Variants in GALNT17 observed in about 807,000 individuals in gnomAD.
GALNT17 encodes UDP-GalNAc:polypeptide N-acetylgalactosaminyltransferase-like 3.
GALNT17 carries 29 observed loss-of-function variants against 63.7 expected under a neutral mutation model. The observed-to-expected ratio is 0.46, with a 90% CI of 0.34 to 0.62. The LOEUF (loss-of-function observed/expected upper bound fraction) is 0.62. Ranked by LOEUF, GALNT17 falls within the 20% of genes least tolerant of loss-of-function variation. The pLI is 0.01. For synonymous variants in GALNT17, 305 were observed against 318.3 expected (o/e 0.96, Z 0.45); for missense variants, 603 against 799.6 (o/e 0.75, Z 2.97).
chr7:71,643,104 G>C (rs1328638830), intron 6 of GALNT17, among the ~76,000 whole-genome samples: 1 of 152,120 alleles, frequency 6.6e-6, no homozygotes, highest in Non-Finnish European at 1.5e-5. Context: ...AAGACCTGGG[G>C]TGGTCTCTGG....
chr7:71,429,295 T>C (rs1786817680), intron 5 of GALNT17, among the ~76,000 whole-genome samples: 1 of 152,122 alleles, frequency 6.6e-6, no homozygotes, highest in South Asian at 2.1e-4. Flanking sequence ...GCTAAGGACA[T>C]GAACAATGGT....
At chr7:71,285,237 A>G (rs949880349) in intron 1 of GALNT17, among the ~76,000 whole-genome samples, 4 of 152,254 alleles carry the variant, frequency 2.6e-5, no homozygotes, top group African/African-American at 9.6e-5. Flanking sequence ...CTACCTCTTT[A>G]TTATGACAGC....
chr7:71,649,614 C>T (rs1584112205), intron 6 of GALNT17, among the ~76,000 whole-genome samples: 1 of 72,714 alleles, frequency 1.4e-5, no homozygotes, highest in Non-Finnish European at 2.9e-5. Context: ...CAGGATTAAA[C>T]ACACACACAC....
intron 1 of GALNT17, among the ~76,000 whole-genome samples, chr7:71,219,364 A>G (rs1462238641): frequency 1.3e-5 from 2 of 152,146 alleles, no homozygotes; most frequent in South Asian, 4.2e-4. Context: ...TTACTTTCTC[A>G]GAATCTTTGG....
At chr7:71,381,014 G>A (rs775229301) in intron 2 of GALNT17, among the ~76,000 whole-genome samples, 8 of 151,568 alleles carry the variant, frequency 5.3e-5, no homozygotes, top group Non-Finnish European at 8.8e-5. Flanking sequence ...AGGCTGGAGT[G>A]CAGAGGCGCG....
chr7:71,358,624 G>A (rs1231883898), intron 2 of GALNT17, among the ~76,000 whole-genome samples: 1 of 152,132 alleles, frequency 6.6e-6, no homozygotes, highest in African/African-American at 2.4e-5. Flanking sequence ...AAGCTCACTG[G>A]TAGTTTGTGG....
intron 3 of GALNT17, among the ~76,000 whole-genome samples, chr7:71,389,865 A>C (rs1238188003): frequency 6.6e-6 from 1 of 152,194 alleles, no homozygotes; most frequent in Non-Finnish European, 1.5e-5. Context: ...CGCTACTAGG[A>C]ATGATGGCTC....
chr7:71,372,666 G>A (rs561425349), intron 2 of GALNT17, among the ~76,000 whole-genome samples: 1 of 152,310 alleles, frequency 6.6e-6, no homozygotes, highest in Non-Finnish European at 1.5e-5. Context: ...TTTTGCCCAA[G>A]CTGATCTCAA....
At chr7:71,475,034 C>G (rs1345654645) in intron 5 of GALNT17, among the ~76,000 whole-genome samples, 3 of 152,008 alleles carry the variant, frequency 2.0e-5, no homozygotes, top group Non-Finnish European at 4.4e-5. Flanking sequence ...ATGGCCTCTC[C>G]CCTGGAGCAT....
intron 2 of GALNT17, among the ~76,000 whole-genome samples, chr7:71,379,550 C>A (rs10262784): frequency 0.088 from 13,303 of 151,896 alleles, 1,818 homozygotes; most frequent in African/African-American, 0.29. Flanking sequence ...AAGGCGGTAG[C>A]AATGGAGGAG....
chr7:71,241,035 G>A (rs910363718), intron 1 of GALNT17, among the ~76,000 whole-genome samples: 2 of 152,164 alleles, frequency 1.3e-5, no homozygotes, highest in African/African-American at 4.8e-5. Context: ...AATGGAAATG[G>A]CAGCATTTTG....
intron 3 of GALNT17, among the ~76,000 whole-genome samples, chr7:71,413,216 T>A (rs989667054): frequency 2.0e-5 from 3 of 152,192 alleles, no homozygotes; most frequent in Non-Finnish European, 4.4e-5. Context: ...GCTGCATAAC[T>A]TAAACAACTT....
chr7:71,459,252 G>A (rs963868634), intron 5 of GALNT17, among the ~76,000 whole-genome samples: 1 of 152,156 alleles, frequency 6.6e-6, no homozygotes, highest in African/African-American at 2.4e-5. Flanking sequence ...GACAGAAAAA[G>A]GAAAGCAGAA....
chr7:71,383,378 A>G (rs994485143), intron 2 of GALNT17, among the ~76,000 whole-genome samples: 3 of 152,198 alleles, frequency 2.0e-5, no homozygotes, highest in Non-Finnish European at 4.4e-5. Context: ...TAGATTACTT[A>G]CAATATCTAA....
chr7:71,184,939 ACTTCCTTCCTTCCTTC>A lies in GALNT17; in HGVS notation c.238+51944_238+51959del, dbSNP rs1164312541. Among the ~76,000 whole-genome samples the A allele has an allele frequency of 5.4e-3, 348 of 64,172 alleles. 3 individuals are homozygous for A. Among genetic ancestry groups the A allele is most frequent in the South Asian group, 0.021 (23 of 1,104 alleles). The allele number at this position is 64,172 out of a possible 152,430, so 42.1% of individuals were successfully genotyped here. On this transcript the variant is annotated intron_variant, in intron 1 of 10. Transcript: ENST00000333538. ...CCCACCCTCCCTCCCTCCCTTCCTC[ACTTCCTTCCTTCCTTC>A]CTTCCTTCCTTCCTTCCTTCCTTCC...
intron 1 of GALNT17, chr7:71,283,943 T>G (rs1445390105): frequency 6.6e-6 from 1 of 152,086 alleles, no homozygotes; most frequent in African/African-American, 2.4e-5. Flanking sequence ...AATAGACCAA[T>G]CAACACTCTG....
intron 1 of GALNT17, among the ~76,000 whole-genome samples, chr7:71,316,957 A>AT (rs1203159453): frequency 6.6e-6 from 1 of 152,050 alleles, no homozygotes; most frequent in African/African-American, 2.4e-5. Flanking sequence ...CATTGAGGTT[A>AT]TTTTTTTCAG....
Position 71,678,227 on chromosome 7 carries a change from C to T in GALNT17, c.1500+921C>T, listed in dbSNP as rs1044450370. Among the ~76,000 whole-genome samples the T allele has an allele frequency of 3.9e-4, 59 of 151,772 alleles. 2 individuals are homozygous for T. The highest frequency in any genetic ancestry group is 3.4e-3 in the Middle Eastern group (1 of 292). On this transcript the variant is annotated intron_variant, in intron 9 of 10. Transcript: ENST00000333538. ...GCAACCTCCGCCTTCTGGGTTCAAG[C>T]GATTCTCCTGCCTCAGCCTCCTGAG...
At chr7:71,484,797 A>T (rs373248940) in intron 5 of GALNT17, among the ~76,000 whole-genome samples, 19 of 107,346 alleles carry the variant, frequency 1.8e-4, no homozygotes, top group Admixed American at 7.4e-4. Flanking sequence ...CAGCATCAGG[A>T]TTTTTTTTTT....
Sources: gnomAD v4.1 joint callset for allele counts (sites outside exome capture counted in the v4.1 genomes callset) on GRCh38, gnomAD v4.1.1 for gene constraint, MANE v1.5 for transcripts, NCBI Gene and HGNC (gene_info 2026-07-23, HGNC 2026-07-21) for gene names.